PRKCD: variants seen among roughly 807,000 people sequenced by gnomAD.
The protein encoded by PRKCD is protein kinase C delta.
Under a neutral mutation model 82.2 loss-of-function variants are expected in PRKCD, and 20 were observed. That is an observed-to-expected ratio of 0.24 (90% confidence interval 0.17 to 0.35). PRKCD has a LOEUF of 0.35. PRKCD is among the 10% of genes least tolerant of loss of function. The pLI, the probability that PRKCD is intolerant of heterozygous loss-of-function variation, is 1.00. For synonymous variants in PRKCD, 317 were observed against 337.0 expected (o/e 0.94, Z 0.65); for missense variants, 607 against 899.0 (o/e 0.68, Z 4.15).
chr3:53,186,443 G>T (rs1045429886), intron 13 of PRKCD, 103 bp downstream of exon 13: 3 of 1,446,604 alleles, frequency 2.1e-6, no homozygotes, highest in African/African-American at 1.4e-5. Context: ...GCCACTTAAG[G>T]CAGGGCCATG....
At chr3:53,177,217 T>G (rs1343187860) in intron 2 of PRKCD, among the ~76,000 whole-genome samples, 7 of 152,212 alleles carry the variant, frequency 4.6e-5, no homozygotes, top group African/African-American at 1.7e-4. Flanking sequence ...CTTGAACTCT[T>G]GGCCTCAAGC....
At chr3:53,184,572 G>A (rs1703599882) in intron 9 of PRKCD, among the ~76,000 whole-genome samples, 1 of 151,852 alleles carries the variant, frequency 6.6e-6, no homozygotes, top group South Asian at 2.1e-4. Context: ...CTACTCAGGA[G>A]GCTGAGGCAG....
chr3:53,184,610 G>T (rs1333743137), intron 9 of PRKCD, among the ~76,000 whole-genome samples: 2 of 151,694 alleles, frequency 1.3e-5, no homozygotes, highest in African/African-American at 4.8e-5. Flanking sequence ...AGGAGGCAGA[G>T]GTTGCGGTGA....
rs1703551249 is a variant in PRKCD, at chr3:53,183,600, C to T, written c.787+19C>T. The T allele has an allele frequency of 6.2e-7, 1 of 1,612,354 alleles. No homozygotes were observed. The highest frequency in any genetic ancestry group is 1.1e-5 in the South Asian group (1 of 90,974). On this transcript the variant is annotated intron_variant, in intron 9 of 18. Coordinates refer to ENST00000330452, the MANE Select transcript of PRKCD (RefSeq NM_006254.4). ...TGTGAAGGTGCGTGCCACCCCGCCC[C>T]TGGGCTGCAGGAGGGGCACTCCCAG... is the stretch of plus-strand genomic sequence containing the variant.
chr3:53,182,121 G>A (rs550649078), intron 7 of PRKCD: 2 of 395,458 alleles, frequency 5.1e-6, no homozygotes, highest in African/African-American at 2.1e-5. Flanking sequence ...GTACACAGGT[G>A]TGAGCACACT....
intron 4 of PRKCD, among the ~76,000 whole-genome samples, chr3:53,180,786 C>T (rs781931388): frequency 5.3e-5 from 8 of 152,116 alleles, no homozygotes; most frequent in Admixed American, 2.0e-4. Context: ...GAGGAGCCCT[C>T]GGCACAGAGG....
intron 2 of PRKCD, among the ~76,000 whole-genome samples, chr3:53,171,802 A>G (rs1413138918): frequency 6.6e-6 from 1 of 152,112 alleles, no homozygotes; most frequent in Admixed American, 6.5e-5. Flanking sequence ...CAGAACAGGG[A>G]TTGAGGTAGA....
In PRKCD at chr3:53,169,298, G is replaced by C. The variant is rs1702939418; in HGVS notation, c.-20+4083G>C. On this transcript the variant is annotated intron_variant, in intron 2 of 18. Coordinates refer to ENST00000330452, the MANE Select transcript of PRKCD (RefSeq NM_006254.4). This position sits in a 1 kb window ranked among gnomAD's most constrained non-coding sequence, Gnocchi z 4.7. ...ACAAGCCTGAAGTTCAGGAGGGTCTGGGCCCAAAGTAGAGACGGGAGCCTA... is the reference window on the plus strand; with the variant it reads ...ACAAGCCTGAAGTTCAGGAGGGTCTCGGCCCAAAGTAGAGACGGGAGCCTA... Among the ~76,000 whole-genome samples the C allele has an allele frequency of 6.6e-6, 1 of 152,114 alleles. No individual in the cohort carries two copies. The highest frequency in any genetic ancestry group is 1.9e-4 in the East Asian group (1 of 5,174).
At chr3:53,187,708 G>C (rs919152915) in intron 15 of PRKCD, among the ~76,000 whole-genome samples, 1 of 151,992 alleles carries the variant, frequency 6.6e-6, no homozygotes, top group Non-Finnish European at 1.5e-5. Flanking sequence ...CTGCCAGAAG[G>C]GACTCCTTCC....
intron 9 of PRKCD, among the ~76,000 whole-genome samples, chr3:53,183,840 G>C (rs934679206): frequency 6.6e-6 from 1 of 152,256 alleles, no homozygotes; most frequent in African/African-American, 2.4e-5. Context: ...GAGAGTCCCT[G>C]TGAGGGGCCA....
chr3:53,181,067 C>A, intron 4 of PRKCD, 140 bp from the exon 5 acceptor site: 2 of 851,480 alleles, frequency 2.3e-6, no homozygotes, highest in Non-Finnish European at 3.6e-6. Context: ...CCTGCCCACA[C>A]TGGGCAGACA....
rs1553668818 is a variant in PRKCD at position 53,185,633 on chromosome 3, C to T, written c.918C>T (p.Ser306=). The T allele has an allele frequency of 6.2e-7, 1 of 1,613,502 alleles. No individual in the cohort carries two copies. The highest frequency in any genetic ancestry group is 1.7e-5 in the Admixed American group (1 of 60,024). ...CCTCCCGGAGATCAGACTCAGCCTC[C>T]TCAGAGCCTGTTGGGATATATCAGG... The part of the protein sequence containing the change: ...QRASRRSDSA[S]SEPVGIYQGF... The change falls in exon 11 of 19, where the codon TCC becomes TCT. Residue 306 remains serine (S), a synonymous_variant. Coordinates refer to ENST00000330452, the MANE Select transcript of PRKCD (RefSeq NM_006254.4).
intron 7 of PRKCD, chr3:53,182,029 T>C (rs1553667752): frequency 1.7e-6 from 1 of 588,258 alleles, no homozygotes; most frequent in Non-Finnish European, 3.2e-6. Flanking sequence ...ACCAGGCCTC[T>C]TTTCCTCGGA....
At chr3:53,180,315 A>G (rs1399506785) in intron 4 of PRKCD, among the ~76,000 whole-genome samples, 1 of 152,228 alleles carries the variant, frequency 6.6e-6, no homozygotes, top group Non-Finnish European at 1.5e-5. Flanking sequence ...AGGCCTTGGC[A>G]GCCATTGAGG....
At chr3:53,186,576 C>A (rs1575542162) in intron 13 of PRKCD, 28 bp from the exon 14 acceptor site, 4 of 1,587,526 alleles carry the variant, frequency 2.5e-6, no homozygotes, top group Non-Finnish European at 3.4e-6. Flanking sequence ...CTATTCCTCA[C>A]CCCTGCTCAC....
At chr3:53,170,573 C>T (rs116441280) in intron 2 of PRKCD, among the ~76,000 whole-genome samples, 1,543 of 152,388 alleles carry the variant, frequency 0.01, 32 homozygotes, top group African/African-American at 0.035. Flanking sequence ...CACTCCTTCC[C>T]TTACACACTT....
intron 2 of PRKCD, among the ~76,000 whole-genome samples, chr3:53,177,866 A>G (rs531731930): frequency 2.0e-5 from 3 of 152,234 alleles, no homozygotes; most frequent in African/African-American, 7.2e-5. Flanking sequence ...AGTGGGCCCA[A>G]CATCACATTT....
Position 53,189,878 on chromosome 3 carries a change from T to C in PRKCD, c.1749T>C (p.Phe583=). The C allele has an allele frequency of 6.2e-7, 1 of 1,614,182 alleles. No individual in the cohort carries two copies. Residue 583 remains phenylalanine, a synonymous_variant, in exon 18 of 19, where the codon TTT becomes TTC. Transcript: ENST00000330452. ...GGGTCCCTGCTGGGTTGCAGCTCTT[T>C]GAAAGGGAACCAACCAAGAGGCTGG... ...KESKDILEKL[F]EREPTKRLGV...
chr3:53,182,833 G>A (rs76952459), intron 7 of PRKCD, among the ~76,000 whole-genome samples: 6 of 152,286 alleles, frequency 3.9e-5, no homozygotes, highest in East Asian at 1.9e-4. Context: ...CTCATATTGC[G>A]ATGCCCTGTG....
Sources: gnomAD v4.1 joint callset for allele counts (sites outside exome capture counted in the v4.1 genomes callset) on GRCh38, gnomAD v4.1.1 for gene constraint, Gnocchi (gnomAD v3.1) non-coding constraint, MANE v1.5 for transcripts, NCBI Gene and HGNC (gene_info 2026-07-23, HGNC 2026-07-21) for gene names.